Variants in PTPRB observed in about 807,000 individuals in gnomAD.
PTPRB encodes the protein receptor-type tyrosine-protein phosphatase beta.
PTPRB carries 97 observed loss-of-function variants against 238.1 expected under a neutral mutation model. The ratio of observed to expected loss-of-function variants is 0.41; its 90% confidence interval spans 0.35 to 0.48. The LOEUF is 0.48. PTPRB is among the 20% of genes least tolerant of loss of function. The pLI is 0.30. For missense variants in PTPRB, 2,292 were observed against 2,681.9 expected, an observed-to-expected ratio of 0.85 and a Z score of 3.21; for synonymous variants, 970 against 995.4, an observed-to-expected ratio of 0.97 and a Z score of 0.48.
chr12:70,581,533 C>T (rs1881395931), intron 9 of PTPRB, among the ~76,000 whole-genome samples: 1 of 152,024 alleles, frequency 6.6e-6, no homozygotes, highest in Non-Finnish European at 1.5e-5. Flanking sequence ...ATTTAAGATC[C>T]AAAGATGAGA....
At position 70,592,361 on chromosome 12, in the gene PTPRB, G is replaced by C; in HGVS notation, c.1701C>G (p.Val567=). 6.2e-7 allele frequency: 1 copy of C among 1,613,934 alleles called. No homozygotes were observed. The highest frequency in any genetic ancestry group is 8.5e-7 in the Non-Finnish European group (1 of 1,179,852). The change falls in exon 7 of 34, where the codon GTC becomes GTG. Residue 567 remains valine, a synonymous_variant. Coordinates refer to ENST00000334414, the MANE Select transcript of PTPRB (RefSeq NM_001109754.4). The part of the protein sequence containing the change: ...WITETHFKEL[V]PGRLYQVTVS... ...CAGTAACTTGATAAAGTCGACCGGG[G>C]ACTAACTCTTTAAAGTGAGTTTCAG...
chr12:70,635,316 T>C (rs1474901857), intron 2 of PTPRB, among the ~76,000 whole-genome samples: 1 of 152,222 alleles, frequency 6.6e-6, no homozygotes, highest in African/African-American at 2.4e-5. Flanking sequence ...CTTTAGTCAT[T>C]ACATATATAG....
chr12:70,596,995 G>A (rs1361879561), intron 4 of PTPRB, among the ~76,000 whole-genome samples: 1 of 151,334 alleles, frequency 6.6e-6, no homozygotes, highest in Non-Finnish European at 1.5e-5. Flanking sequence ...TCGGCTCACT[G>A]CAACCTCCGC....
intron 10 of PTPRB, among the ~76,000 whole-genome samples, chr12:70,577,080 A>G (rs1175760288): frequency 6.6e-6 from 1 of 152,238 alleles, no homozygotes. Context: ...AAAGGGGAAG[A>G]ATACGATAGC....
At chr12:70,532,877 C>A (rs1873506745) in intron 31 of PTPRB, among the ~76,000 whole-genome samples, 1 of 152,136 alleles carries the variant, frequency 6.6e-6, no homozygotes, top group African/African-American at 2.4e-5. Flanking sequence ...AACTCCTGGC[C>A]TCAAGTGATC....
chr12:70,539,890 C>T, intron 24 of PTPRB, 46 bp from the exon 25 acceptor site: 1 of 1,579,784 alleles, frequency 6.3e-7, no homozygotes. Context: ...GCAAATTTCA[C>T]ATAATACCAT....
rs1306984509 is a variant in PTPRB, at chr12:70,516,447, C to T, written c.*5042G>A. 6.6e-6 allele frequency: 1 copy of T among 152,202 alleles called. No individual in the cohort carries two copies. Among genetic ancestry groups the T allele is most frequent in the South Asian group, 2.1e-4 (1 of 4,824 alleles). 9.4% of individuals were successfully genotyped at this position (152,202 alleles called of 1,614,324 possible). A position where few individuals can be genotyped will look rare whatever the true frequency, so the allele number is the denominator to read the frequency against. The stretch of plus-strand genomic sequence containing the variant: ...TCTTCCAGTAGAGCACTGGTGCACC[C>T]TCTTGTCAGTGTGGCAGACTAGGAC... On this transcript the variant is annotated 3_prime_UTR_variant, in exon 34 of 34. Coordinates refer to ENST00000334414, the MANE Select transcript of PTPRB (RefSeq NM_001109754.4).
chr12:70,575,215 T>C (rs1474507991), intron 11 of PTPRB, among the ~76,000 whole-genome samples: 1 of 152,168 alleles, frequency 6.6e-6, no homozygotes, highest in African/African-American at 2.4e-5. Context: ...CAGTCAGCCC[T>C]GCAACCCTGG....
At chr12:70,522,979 C>T (rs1871843615) in intron 33 of PTPRB, among the ~76,000 whole-genome samples, 1 of 151,098 alleles carries the variant, frequency 6.6e-6, no homozygotes, top group Non-Finnish European at 1.5e-5. Flanking sequence ...TCTCCTGCCT[C>T]AGCCTCCCAA....
chr12:70,620,745 A>T (rs2218275), intron 3 of PTPRB, among the ~76,000 whole-genome samples: 6,748 of 152,272 alleles, frequency 0.044, 174 homozygotes, highest in African/African-American at 0.059. Context: ...TTATCTTAAG[A>T]GAACTAAGTC....
Position 70,576,662 on chromosome 12 carries a change from T to TCGGCGGG in PTPRB, c.2579-18_2579-17insCCCGCCG, listed in dbSNP as rs1555230172. 6.6e-5 allele frequency: 1 copy of TCGGCGGG among 15,194 alleles called. No homozygotes were observed. The highest frequency in any genetic ancestry group is 3.3e-4 in the African/African-American group (1 of 3,076). 0.9% of individuals were successfully genotyped at this position (15,194 alleles called of 1,614,324 possible). On this transcript the variant is annotated splice_polypyrimidine_tract_variant and intron_variant, in intron 10 of 33. Coordinates refer to ENST00000334414, the MANE Select transcript of PTPRB (RefSeq NM_001109754.4). ...TGGAAGGGACTGTGATTTTGAAAGG[T>TCGGCGGG]GGGGGGCGGGGGGGGGGGGGAAGGG...
At chr12:70,522,906 A>G (rs1388767567) in intron 33 of PTPRB, among the ~76,000 whole-genome samples, 3 of 122,364 alleles carry the variant, frequency 2.5e-5, no homozygotes, top group Non-Finnish European at 4.8e-5. Context: ...TTTGTGGCCC[A>G]TGCTGGAGTG....
chr12:70,547,344 G>T (rs1454854815), intron 21 of PTPRB, among the ~76,000 whole-genome samples: 1 of 152,180 alleles, frequency 6.6e-6, no homozygotes, highest in Non-Finnish European at 1.5e-5. Context: ...GGAAGGTGAG[G>T]AGTTGGTGTG....
intron 29 of PTPRB, among the ~76,000 whole-genome samples, chr12:70,535,396 G>A (rs1296117031): frequency 1.3e-5 from 2 of 152,050 alleles, no homozygotes; most frequent in Middle Eastern, 3.4e-3. Context: ...CTGTCCTAAC[G>A]TGGGCCGTGT....
Position 70,592,284 on chromosome 12 carries a change from G to A in PTPRB, c.1778C>T (p.Thr593Ile), listed in dbSNP as rs1882561379. The A allele has an allele frequency of 6.2e-7, 1 of 1,613,988 alleles. No individual in the cohort carries two copies. The highest frequency in any genetic ancestry group is 1.6e-4 in the Middle Eastern group (1 of 6,062). Reference protein sequence around the residue: ...LSAQKMAVGRTFPDKVANLEA... With the variant: ...LSAQKMAVGRIFPDKVANLEA... ...ACATTCTGGAGCCCAAGACTCACAT[G>A]TTCTGCCCACTGCCATCTTCTGAGC... The change falls in exon 7 of 34, where the codon ACA (threonine) becomes ATA (isoleucine). Residue 593 changes from threonine to isoleucine, a missense_variant and splice_region_variant. Around this residue, in one of 4 missense-constraint regions of PTPRB, gnomAD observed 1,205 missense variants for 1,287.8 expected, o/e 0.94. Transcript: ENST00000334414.
chr12:70,581,014 G>T, intron 10 of PTPRB, 22 bp downstream of exon 10: 1 of 1,607,236 alleles, frequency 6.2e-7, no homozygotes, highest in South Asian at 1.1e-5. Context: ...TTAAGTCACA[G>T]ACACATATCT....
At chr12:70,533,003 G>A (rs1873527753) in intron 31 of PTPRB, among the ~76,000 whole-genome samples, 1 of 152,100 alleles carries the variant, frequency 6.6e-6, no homozygotes, top group African/African-American at 2.4e-5. Context: ...GTGGCAGTGA[G>A]ATCATTTTAA....
intron 9 of PTPRB, among the ~76,000 whole-genome samples, chr12:70,583,601 C>T (rs1881602007): frequency 6.6e-6 from 1 of 152,124 alleles, no homozygotes; most frequent in Admixed American, 6.6e-5. Flanking sequence ...TCTCTCTTTA[C>T]TCCCCATACA....
intron 21 of PTPRB, among the ~76,000 whole-genome samples, chr12:70,547,185 GATGA>G (rs1206860687): frequency 1.3e-5 from 2 of 152,116 alleles, no homozygotes; most frequent in Non-Finnish European, 2.9e-5. Flanking sequence ...TGAACATCAA[GATGA>G]TATTGATAAA....
Sources: allele counts gnomAD v4.1 joint callset (sites outside exome capture counted in the v4.1 genomes callset), GRCh38; gene constraint gnomAD v4.1.1; regional missense constraint gnomAD v4.1.1; transcripts MANE v1.5; gene names NCBI Gene and HGNC (gene_info 2026-07-23, HGNC 2026-07-21).